Variants in ZFHX3 observed in about 807,000 individuals in gnomAD.
The protein encoded by ZFHX3 is zinc finger homeobox protein 3.
Under a neutral mutation model 279.1 loss-of-function variants are expected in ZFHX3, and 42 were observed. The observed-to-expected ratio is 0.15, with a 90% CI of 0.12 to 0.19. ZFHX3 has a LOEUF of 0.19. Among genes scored for constraint, ZFHX3 ranks in the 10% least tolerant of loss-of-function variants. The probability of loss-of-function intolerance (pLI) is 1.00; values close to 1 mark genes in which losing one functional copy is unlikely to be tolerated. For synonymous variants in ZFHX3, 2,293 were observed against 1,957.8 expected (o/e 1.17, Z -4.52); for missense variants, 4,981 against 4,754.0 (o/e 1.05, Z -1.40).
At chr16:73,790,853 C>G (rs1287853606) in intron 1 of ZFHX3, among the ~76,000 whole-genome samples, 1 of 152,230 alleles carries the variant, frequency 6.6e-6, no homozygotes, top group African/African-American at 2.4e-5. Context: ...GCATCTTCCA[C>G]CAGTCAGAAC....
intron 1 of ZFHX3, among the ~76,000 whole-genome samples, chr16:73,835,312 A>C (rs1961108440): frequency 6.6e-6 from 1 of 152,016 alleles, no homozygotes; most frequent in Admixed American, 6.6e-5. Context: ...GTGTTTTCTA[A>C]GCTAAAGAAG....
At chr16:73,517,558 TGGGAGGAGCA>T (rs780746642) in intron 2 of ZFHX3, among the ~76,000 whole-genome samples, 5 of 152,272 alleles carry the variant, frequency 3.3e-5, no homozygotes, top group African/African-American at 1.2e-4. Context: ...CAAATTTATT[TGGGAGGAGCA>T]GGGAGGAGCA....
In ZFHX3 at chr16:73,343,331, A is replaced by G. The variant is rs558567960; in HGVS notation, c.-1290-24995T>C. ...ATCTTTCAAATTCTCTTCTTCACCA[A>G]AAGAATCCAGGACTCTTTGGAGAGA... is the stretch of plus-strand genomic sequence containing the variant. On this transcript the variant is annotated intron_variant, in intron 3 of 17. Coordinates refer to the ZFHX3 transcript ENST00000641206. 2.6e-3 allele frequency among the ~76,000 whole-genome samples: 400 copies of G among 152,296 alleles called. 4 individuals carry two copies. The highest frequency in any genetic ancestry group is 0.016 in the South Asian group (79 of 4,822).
chr16:73,294,613 C>T (rs2014859690), intron 4 of ZFHX3, among the ~76,000 whole-genome samples: 4 of 151,642 alleles, frequency 2.6e-5, no homozygotes, highest in African/African-American at 7.3e-5. Flanking sequence ...GAGCTTGAGA[C>T]CAGCCTGGCC....
At chr16:73,005,449 C>T (rs909605267) in intron 1 of ZFHX3, among the ~76,000 whole-genome samples, 4 of 152,134 alleles carry the variant, frequency 2.6e-5, no homozygotes, top group Middle Eastern at 6.8e-3. Flanking sequence ...GAGCCAAGAT[C>T]GTGCCACTGC....
intron 3 of ZFHX3, among the ~76,000 whole-genome samples, chr16:73,333,522 C>T (rs2015846546): frequency 6.6e-6 from 1 of 152,076 alleles, no homozygotes; most frequent in Admixed American, 6.5e-5. Context: ...AGTCAGCCAG[C>T]CCAGGCTAGT....
intron 5 of ZFHX3, among the ~76,000 whole-genome samples, chr16:73,199,238 G>A (rs764476695): frequency 1.6e-4 from 25 of 152,234 alleles, no homozygotes; most frequent in Non-Finnish European, 3.2e-4. Flanking sequence ...GTAGAATGGG[G>A]CGTAACGGGG....
At chr16:73,001,218 C>A (rs1963487488) in intron 1 of ZFHX3, among the ~76,000 whole-genome samples, 1 of 152,184 alleles carries the variant, frequency 6.6e-6, no homozygotes, top group African/African-American at 2.4e-5. Context: ...TGTGGTGAGA[C>A]CCACATGGCA....
chr16:73,852,258 C>T (rs1316597181), intron 1 of ZFHX3, among the ~76,000 whole-genome samples: 1 of 152,152 alleles, frequency 6.6e-6, no homozygotes, highest in Non-Finnish European at 1.5e-5. Flanking sequence ...AACCAAGTCA[C>T]CAACACAACA....
intron 3 of ZFHX3, among the ~76,000 whole-genome samples, chr16:73,408,103 A>T (rs1218775062): frequency 7.4e-6 from 1 of 135,928 alleles, no homozygotes; most frequent in Non-Finnish European, 1.6e-5. Flanking sequence ...GATACCTGTG[A>T]AACTTGTTTT....
rs986800457 is a variant in ZFHX3 at position 72,787,716 on chromosome 16, G to A, written c.10560C>T (p.Gly3520=). Residue 3520 remains glycine (G), a synonymous_variant, in exon 10 of 10, where the codon GGC becomes GGT. Coordinates refer to ENST00000268489, the MANE Select transcript of ZFHX3 (RefSeq NM_006885.4). ...ACGAGCCGCCGCCGCCGCCGCCGCC[G>A]CCACCGCCGCCGCCGCCGCCACTGC... ...GGGSGGGGGG[G]GGGGGGGSYH... 284 of 1,371,826 alleles carry A rather than the reference G, an allele frequency of 2.1e-4. 1 individual carries two copies. Among genetic ancestry groups the A allele is most frequent in the Non-Finnish European group, 2.5e-4 (265 of 1,052,178 alleles). 85.0% of individuals were successfully genotyped at this position (1,371,826 alleles called of 1,614,324 possible).
intron 7 of ZFHX3, among the ~76,000 whole-genome samples, chr16:73,121,839 T>C (rs1966503802): frequency 6.6e-6 from 1 of 151,940 alleles, no homozygotes; most frequent in African/African-American, 2.4e-5. Context: ...ATGGTCTGTA[T>C]CTCCTGACCT....
chr16:73,644,204 G>A (rs2052597947), intron 2 of ZFHX3, among the ~76,000 whole-genome samples: 1 of 152,098 alleles, frequency 6.6e-6, no homozygotes, highest in South Asian at 2.1e-4. Flanking sequence ...GCATTAAAAT[G>A]CAAACACATG....
chr16:73,458,938 A>G (rs1442969053), intron 2 of ZFHX3, among the ~76,000 whole-genome samples: 4 of 152,198 alleles, frequency 2.6e-5, no homozygotes, highest in African/African-American at 4.8e-5. Flanking sequence ...TAAACGACTT[A>G]CCCAAGAAGC....
chr16:73,032,693 A>G (rs1387573599), intron 1 of ZFHX3, among the ~76,000 whole-genome samples: 1 of 151,888 alleles, frequency 6.6e-6, no homozygotes, highest in African/African-American at 2.4e-5. Context: ...CAGGAAAAAA[A>G]AAAAGTAGAG....
Position 73,314,500 on chromosome 16 carries a change from G to C in ZFHX3, c.-1194+3740C>G, listed in dbSNP as rs369729057. Reference sequence around the variant, plus strand: ...AAAGTCACATGACTAATAAATGGCAGAGCCGGGATGGAAACTCCAACCACT... The same window carrying C: ...AAAGTCACATGACTAATAAATGGCACAGCCGGGATGGAAACTCCAACCACT... On this transcript the variant is annotated intron_variant, in intron 4 of 17. Coordinates refer to the ZFHX3 transcript ENST00000641206. Among the ~76,000 whole-genome samples, 37 of 152,302 alleles carry C rather than the reference G, an allele frequency of 2.4e-4. No homozygotes were observed. In the East Asian group the frequency reaches 2.5e-3, roughly 10 times the overall value.
chr16:73,585,674 G>A (rs1276584991), intron 2 of ZFHX3, among the ~76,000 whole-genome samples: 2 of 152,192 alleles, frequency 1.3e-5, no homozygotes, highest in African/African-American at 4.8e-5. Flanking sequence ...GGCACAGGGA[G>A]TGAAAACTAT....
At chr16:73,135,175 T>C (rs1213140556) in intron 6 of ZFHX3, among the ~76,000 whole-genome samples, 5 of 152,190 alleles carry the variant, frequency 3.3e-5, no homozygotes, top group Admixed American at 6.5e-5. Context: ...TATTATAGCT[T>C]ATCCAAGAAA....
chr16:73,871,509 AGAGAGT>A (rs1962164242), intron 1 of ZFHX3, among the ~76,000 whole-genome samples: 1 of 151,884 alleles, frequency 6.6e-6, no homozygotes, highest in African/African-American at 2.4e-5. Flanking sequence ...AGAGAGAGAG[AGAGAGT>A]GTGTGTGCTT....
Sources: gnomAD v4.1 joint callset for allele counts (sites outside exome capture counted in the v4.1 genomes callset) on GRCh38, gnomAD v4.1.1 for gene constraint, MANE v1.5 for transcripts, NCBI Gene and HGNC (gene_info 2026-07-23, HGNC 2026-07-21) for gene names.